The following CDH10 variants were observed in gnomAD, a reference collection of about 807,000 sequenced individuals.
The protein encoded by CDH10 is cadherin-10.
CDH10 carries 30 observed loss-of-function variants against 73.1 expected under a neutral mutation model. The ratio of observed to expected loss-of-function variants is 0.41; its 90% CI spans 0.31 to 0.56. The LOEUF is 0.56. CDH10 is among the 20% of genes least tolerant of loss of function. The pLI, the probability that CDH10 is intolerant of heterozygous loss-of-function variation, is 0.27. For missense variants in CDH10, 815 were observed against 973.7 expected (o/e 0.84, Z 2.17); for synonymous variants, 345 against 348.2 (o/e 0.99, Z 0.10).
At chr5:24,641,587 GCTAA>G (rs760564512) in intron 1 of CDH10, among the ~76,000 whole-genome samples, 1 of 152,028 alleles carries the variant, frequency 6.6e-6, no homozygotes, top group Admixed American at 6.6e-5. Flanking sequence ...ATTTGTCTGT[GCTAA>G]CTTTCAGTTT....
At chr5:24,504,460 T>C (rs1166361358) in intron 8 of CDH10, among the ~76,000 whole-genome samples, 2 of 149,786 alleles carry the variant, frequency 1.3e-5, no homozygotes, top group Admixed American at 1.3e-4. Context: ...TTGTGAGAGC[T>C]CCTGTGTCAT....
At chr5:24,567,566 C>T (rs547596098) in intron 2 of CDH10, among the ~76,000 whole-genome samples, 2 of 151,336 alleles carry the variant, frequency 1.3e-5, no homozygotes, top group East Asian at 3.9e-4. Flanking sequence ...CTCCAAAGGT[C>T]CATTTAAATA....
Position 24,537,303 on chromosome 5 carries a change from GATT to G in CDH10, c.526+74_526+76del, listed in dbSNP as rs1041656263. ...AAATCAAAGAGGATTTCAATTAATT[GATT>G]ATACTATTATAAGAATTTCTTGATT... On this transcript the variant is annotated intron_variant, in intron 3 of 11. Coordinates refer to ENST00000264463, the MANE Select transcript of CDH10 (RefSeq NM_006727.5). The G allele has an allele frequency of 8.7e-6, 8 of 924,848 alleles. No individual in the cohort carries two copies. The Admixed American group carries it at 1.2e-4, about 14-fold the overall frequency. The allele number at this position is 924,848 out of a possible 1,614,324, so 57.3% of individuals were successfully genotyped here.
intron 1 of CDH10, among the ~76,000 whole-genome samples, chr5:24,628,330 T>C (rs1366620834): frequency 6.6e-6 from 1 of 152,158 alleles, no homozygotes; most frequent in Non-Finnish European, 1.5e-5. Context: ...CATGATATTT[T>C]AAACATATTA....
intron 5 of CDH10, among the ~76,000 whole-genome samples, chr5:24,516,368 T>C (rs1743108679): frequency 6.6e-6 from 1 of 152,106 alleles, no homozygotes. Context: ...ATATTTTGAG[T>C]GTATGCAAAT....
intron 5 of CDH10, among the ~76,000 whole-genome samples, chr5:24,515,382 A>G (rs141391793): frequency 2.0e-3 from 304 of 152,330 alleles, no homozygotes; most frequent in Middle Eastern, 0.01. Flanking sequence ...GGCTCCTATC[A>G]TAACTCATGA....
rs532239786 is a variant in CDH10, at chr5:24,546,142, AT to A, written c.232-8469del. Among the ~76,000 whole-genome samples the A allele has an allele frequency of 1.3e-4, 20 of 152,056 alleles. No homozygotes were observed. The Middle Eastern group carries it at 0.02, about 155-fold the overall frequency. ...TTTTGAGACACGAACTAAAATGAGC[AT>A]TTTTTTAAAAGGCTATGAATGCTAT... is the stretch of plus-strand genomic sequence containing the variant. On this transcript the variant is annotated intron_variant, in intron 2 of 11. Coordinates refer to ENST00000264463, the MANE Select transcript of CDH10 (RefSeq NM_006727.5).
At chr5:24,557,711 T>C (rs904170102) in intron 2 of CDH10, among the ~76,000 whole-genome samples, 1 of 151,840 alleles carries the variant, frequency 6.6e-6, no homozygotes, top group Non-Finnish European at 1.5e-5. Context: ...GTGTCTAATA[T>C]AAGAGTAAAT....
chr5:24,575,041 G>A (rs1745544406), intron 2 of CDH10, among the ~76,000 whole-genome samples: 1 of 151,922 alleles, frequency 6.6e-6, no homozygotes, highest in African/African-American at 2.4e-5. Context: ...CTGAGACAAG[G>A]AGGTTAATTT....
chr5:24,584,475 T>TGAGAGA (rs1554023331), intron 2 of CDH10, among the ~76,000 whole-genome samples: 6 of 79,738 alleles, frequency 7.5e-5, no homozygotes, highest in African/African-American at 1.9e-4. Flanking sequence ...TGTGTGTGTG[T>TGAGAGA]GAGAGAGAGA....
At chr5:24,643,710 T>C (rs1748129430) in intron 1 of CDH10, among the ~76,000 whole-genome samples, 1 of 152,190 alleles carries the variant, frequency 6.6e-6, no homozygotes, top group Admixed American at 6.5e-5. Flanking sequence ...TATTTGTCTT[T>C]GTACCTGTAG....
chr5:24,580,606 C>A (rs1424256332), intron 2 of CDH10, among the ~76,000 whole-genome samples: 1 of 152,150 alleles, frequency 6.6e-6, no homozygotes, highest in African/African-American at 2.4e-5. Context: ...GCTAAAAATT[C>A]TACAGTATCT....
intron 8 of CDH10, chr5:24,499,390 T>C (rs537789657): frequency 6.5e-6 from 1 of 152,700 alleles, no homozygotes; most frequent in African/African-American, 2.4e-5. Context: ...CATAAAGAGA[T>C]GCATTTCTGG....
intron 1 of CDH10, among the ~76,000 whole-genome samples, chr5:24,642,750 G>A (rs167964): frequency 0.011 from 1,641 of 152,162 alleles, 35 homozygotes; most frequent in African/African-American, 0.038. Context: ...GTAGGTGGAT[G>A]CTCATACAGT....
At chr5:24,626,944 A>C (rs1477941394) in intron 1 of CDH10, among the ~76,000 whole-genome samples, 1 of 150,992 alleles carries the variant, frequency 6.6e-6, no homozygotes, top group Non-Finnish European at 1.5e-5. Flanking sequence ...AAATTAATCC[A>C]TACTCATAAA....
At chr5:24,642,559 T>C (rs1748088437) in intron 1 of CDH10, among the ~76,000 whole-genome samples, 3 of 152,132 alleles carry the variant, frequency 2.0e-5, no homozygotes, top group Non-Finnish European at 4.4e-5. Flanking sequence ...TTGTATCCTC[T>C]CTTTTTCTTT....
chr5:24,623,937 G>C (rs182127967), intron 1 of CDH10, among the ~76,000 whole-genome samples: 200 of 152,134 alleles, frequency 1.3e-3, no homozygotes, highest in African/African-American at 4.6e-3. Flanking sequence ...AGAAATGAAA[G>C]TTCTCTCTCT....
intron 2 of CDH10, among the ~76,000 whole-genome samples, chr5:24,590,207 A>G (rs555767707): frequency 6.6e-6 from 1 of 152,152 alleles, no homozygotes; most frequent in East Asian, 1.9e-4. Context: ...GTTTCTTACA[A>G]AACAAAAGGA....
At chr5:24,502,755 G>T (rs990897604) in intron 8 of CDH10, among the ~76,000 whole-genome samples, 7 of 152,140 alleles carry the variant, frequency 4.6e-5, no homozygotes, top group African/African-American at 1.7e-4. Context: ...CACTAGGCTT[G>T]AATAAGGATA....
Sources: allele counts gnomAD v4.1 joint callset (sites outside exome capture counted in the v4.1 genomes callset), GRCh38; gene constraint gnomAD v4.1.1; transcripts MANE v1.5; gene names NCBI Gene and HGNC (gene_info 2026-07-23, HGNC 2026-07-21).